TSNARE1: variants seen among roughly 807,000 people sequenced by gnomAD.
TSNARE1 encodes the protein t-SNARE domain-containing protein 1.
Under a neutral mutation model 62.0 loss-of-function variants are expected in TSNARE1, and 49 were observed. The observed-to-expected ratio is 0.79, with a 90% CI of 0.63 to 1.00. The LOEUF (loss-of-function observed/expected upper bound fraction) is 1.00, where lower values mean the gene tolerates loss of function less well. Among genes scored for constraint, TSNARE1 ranks in the 50% least tolerant of loss-of-function variants. TSNARE1 has a pLI of 0.00. For synonymous variants in TSNARE1, 328 were observed against 294.4 expected (o/e 1.11, Z -1.17); for missense variants, 755 against 700.1 (o/e 1.08, Z -0.88).
chr8:142,301,027 C>A (rs1294533908), intron 9 of TSNARE1, among the ~76,000 whole-genome samples: 2 of 82,194 alleles, frequency 2.4e-5, no homozygotes, highest in Admixed American at 1.2e-4. Flanking sequence ...GAAAACGCGA[C>A]AACAGCGGTG....
In TSNARE1 at chr8:142,300,470, C is replaced by A; in HGVS notation, c.1290+16G>T. On this transcript the variant is annotated intron_variant, in intron 10 of 13. Coordinates refer to ENST00000524325, the MANE Select transcript of TSNARE1 (RefSeq NM_145003.5). ...GGAGTGTGGAGAGTGAGCACGCTTG[C>A]CCACGCCAGCCTCACCTCCATCTGC... is the stretch of plus-strand genomic sequence containing the variant. The A allele has an allele frequency of 6.3e-7, 1 of 1,593,490 alleles. No individual in the cohort carries two copies. The highest frequency in any genetic ancestry group is 8.5e-7 in the Non-Finnish European group (1 of 1,173,926).
At chr8:142,257,673 G>A (rs1818652500) in intron 12 of TSNARE1, among the ~76,000 whole-genome samples, 1 of 152,122 alleles carries the variant, frequency 6.6e-6, no homozygotes, top group African/African-American at 2.4e-5. Flanking sequence ...GGCCTGATAG[G>A]CAGGGTCTCA....
At chr8:142,321,391 G>C (rs1829460483) in intron 6 of TSNARE1, among the ~76,000 whole-genome samples, 1 of 152,080 alleles carries the variant, frequency 6.6e-6, no homozygotes, top group South Asian at 2.1e-4. Flanking sequence ...TTAGAAAAGA[G>C]AAAAGAATAA....
At chr8:142,316,027 C>G (rs1241713919) in intron 7 of TSNARE1, among the ~76,000 whole-genome samples, 1 of 152,246 alleles carries the variant, frequency 6.6e-6, no homozygotes, top group Non-Finnish European at 1.5e-5. Flanking sequence ...TGCTCTCACC[C>G]CACAGAAACG....
chr8:142,359,986 T>C (rs11986464), intron 1 of TSNARE1, among the ~76,000 whole-genome samples: 30,446 of 152,072 alleles, frequency 0.2, 3,311 homozygotes, highest in East Asian at 0.36. Context: ...TGAGAGCCTC[T>C]CAGAAGTGAG....
intron 2 of TSNARE1, among the ~76,000 whole-genome samples, chr8:142,347,862 C>T (rs1234936131): frequency 6.6e-6 from 1 of 151,706 alleles, no homozygotes; most frequent in Non-Finnish European, 1.5e-5. Context: ...ACACTGCATC[C>T]GTTCACCCAA....
intron 1 of TSNARE1, among the ~76,000 whole-genome samples, chr8:142,356,666 G>A (rs989530642): frequency 1.6e-4 from 25 of 152,154 alleles, no homozygotes; most frequent in Admixed American, 6.5e-5. Flanking sequence ...AACACTTGGC[G>A]CGTGACGACA....
intron 12 of TSNARE1, among the ~76,000 whole-genome samples, chr8:142,263,852 T>C (rs966813552): frequency 4.6e-5 from 7 of 152,246 alleles, no homozygotes; most frequent in Non-Finnish European, 8.8e-5. Flanking sequence ...AGTTCAACTA[T>C]TTAAATGGTC....
chr8:142,262,999 C>A (rs955236353), intron 12 of TSNARE1, among the ~76,000 whole-genome samples: 3 of 152,178 alleles, frequency 2.0e-5, no homozygotes, highest in African/African-American at 7.2e-5. Flanking sequence ...TCCAGGAGTT[C>A]TTTTTATGAA....
intron 1 of TSNARE1, among the ~76,000 whole-genome samples, chr8:142,399,763 A>G (rs2131494235): frequency 6.6e-6 from 1 of 152,330 alleles, no homozygotes; most frequent in East Asian, 1.9e-4. Context: ...GTCTGCTACT[A>G]TGGACGATGC....
At chr8:142,292,347 C>T (rs1421023773) in intron 10 of TSNARE1, among the ~76,000 whole-genome samples, 1 of 152,192 alleles carries the variant, frequency 6.6e-6, no homozygotes, top group Admixed American at 6.5e-5. Flanking sequence ...GGAGGAGTGC[C>T]GAGAACCAGT....
chr8:142,290,720 G>A (rs998413432), intron 10 of TSNARE1, among the ~76,000 whole-genome samples: 1 of 152,282 alleles, frequency 6.6e-6, no homozygotes, highest in Non-Finnish European at 1.5e-5. Context: ...CCTTCAGGCT[G>A]TGCAATGCCA....
chr8:142,271,510 G>T (rs1427797585), intron 12 of TSNARE1: 2 of 1,334,258 alleles, frequency 1.5e-6, no homozygotes, highest in Non-Finnish European at 9.6e-7. Context: ...GGGAAGGCTG[G>T]AAGGCCCCCA....
chr8:142,387,592 A>G (rs754679542), intron 1 of TSNARE1, among the ~76,000 whole-genome samples: 20 of 152,166 alleles, frequency 1.3e-4, no homozygotes, highest in Non-Finnish European at 2.8e-4. Flanking sequence ...AAAGATATTA[A>G]AAGAGTCACA....
At chr8:142,300,280 A>T (rs1208831422) in intron 10 of TSNARE1, 2 of 541,474 alleles carry the variant, frequency 3.7e-6, no homozygotes, top group Non-Finnish European at 6.3e-6. Context: ...GGGGATGGGG[A>T]TGGGGCTCCC....
intron 3 of TSNARE1, among the ~76,000 whole-genome samples, chr8:142,345,228 G>A (rs758604573): frequency 6.6e-6 from 1 of 152,228 alleles, no homozygotes; most frequent in Non-Finnish European, 1.5e-5. Flanking sequence ...AGGTTCCCTG[G>A]TGCTGCATGT....
chr8:142,272,969 T>G, intron 12 of TSNARE1: 1 of 985,402 alleles, frequency 1.0e-6, no homozygotes, highest in African/African-American at 1.7e-5. Context: ...TCCCTGATAC[T>G]CCCTGGTGGA....
At position 142,241,110 on chromosome 8, in the gene TSNARE1, G is replaced by A. The variant is rs191207311; in HGVS notation, c.1447-11531C>T. ...TGTTTGCAGACGACATGGTCTTACT[G>A]ATAGAAAACCCCAAGGACTCCACAC... On this transcript the variant is annotated intron_variant, in intron 12 of 13. Transcript: ENST00000524325. Among the ~76,000 whole-genome samples the A allele has an allele frequency of 7.2e-5, 11 of 152,314 alleles. 2 individuals are homozygous for A. Among genetic ancestry groups the A allele is most frequent in the Admixed American group, 7.2e-4 (11 of 15,296 alleles).
Position 142,358,783 on chromosome 8 carries a change from C to A in TSNARE1, c.-39-4020G>T, listed in dbSNP as rs560033238. Among the ~76,000 whole-genome samples the A allele has an allele frequency of 2.2e-3, 334 of 152,206 alleles. 3 individuals are homozygous for A. The highest frequency in any genetic ancestry group is 3.5e-3 in the Non-Finnish European group (238 of 68,000). On this transcript the variant is annotated intron_variant, in intron 1 of 13. Coordinates refer to ENST00000524325, the MANE Select transcript of TSNARE1 (RefSeq NM_145003.5). Reference sequence around the variant, plus strand: ...CACCTGGAATCCAGTGGGTGCAACCCCCCCATCGCTGGGAGACCACAAGGG... The same window carrying A: ...CACCTGGAATCCAGTGGGTGCAACCACCCCATCGCTGGGAGACCACAAGGG...
Sources: gnomAD v4.1 joint callset for allele counts (sites outside exome capture counted in the v4.1 genomes callset) on GRCh38, gnomAD v4.1.1 for gene constraint, MANE v1.5 for transcripts, NCBI Gene and HGNC (gene_info 2026-07-23, HGNC 2026-07-21) for gene names.